Variants in SLC30A8 observed in about 807,000 individuals in gnomAD.
The protein encoded by SLC30A8 is proton-coupled zinc antiporter SLC30A8.
In SLC30A8, 27 loss-of-function variants were observed where a neutral mutation model predicts 36.9. The ratio of observed to expected loss-of-function variants is 0.73; its 90% confidence interval spans 0.54 to 1.01. SLC30A8 has a LOEUF of 1.01. Ranked by LOEUF, SLC30A8 falls within the 50% of genes least tolerant of loss-of-function variation. SLC30A8 has a pLI of 0.00. For synonymous variants in SLC30A8, 164 were observed against 172.4 expected (o/e 0.95, Z 0.38); for missense variants, 439 against 452.0 (o/e 0.97, Z 0.26).
At chr8:116,987,896 ACCAT>A (rs1436934711) in intron 1 of SLC30A8, among the ~76,000 whole-genome samples, 3 of 152,078 alleles carry the variant, frequency 2.0e-5, no homozygotes, top group Non-Finnish European at 2.9e-5. Flanking sequence ...ATGGGGTTTT[ACCAT>A]GTTGGCCAGG....
At chr8:116,960,277 C>T (rs1176086720) in intron 1 of SLC30A8, among the ~76,000 whole-genome samples, 8 of 152,166 alleles carry the variant, frequency 5.3e-5, no homozygotes, top group African/African-American at 7.2e-5. Flanking sequence ...TAGAATGCTA[C>T]GTCATTTGAT....
At chr8:117,082,464 TC>T (rs1487666536) in intron 2 of SLC30A8, among the ~76,000 whole-genome samples, 2 of 152,192 alleles carry the variant, frequency 1.3e-5, no homozygotes, top group African/African-American at 4.8e-5. Context: ...TTGGCTGAGT[TC>T]CAGTGCTTCA....
chr8:117,060,321 A>G (rs904714622), intron 2 of SLC30A8, among the ~76,000 whole-genome samples: 9 of 152,112 alleles, frequency 5.9e-5, no homozygotes, highest in African/African-American at 2.2e-4. Context: ...GAGCATCTAT[A>G]TAGCCAGAGA....
At chr8:117,099,046 G>C (rs1004277492) in intron 2 of SLC30A8, among the ~76,000 whole-genome samples, 5 of 152,116 alleles carry the variant, frequency 3.3e-5, no homozygotes, top group African/African-American at 7.2e-5. Flanking sequence ...CTAGCAGAGA[G>C]GGAATCAATT....
chr8:117,153,396 T>C (rs935658169), intron 3 of SLC30A8, among the ~76,000 whole-genome samples: 16 of 152,302 alleles, frequency 1.1e-4, no homozygotes, highest in East Asian at 5.8e-4. Context: ...TAAATTACTC[T>C]GCATCCCTGG....
chr8:117,150,201 G>A (rs1397700891), intron 2 of SLC30A8, among the ~76,000 whole-genome samples: 1 of 152,202 alleles, frequency 6.6e-6, no homozygotes, highest in Admixed American at 6.5e-5. Context: ...TAGTATAATA[G>A]TATTCACAAA....
At chr8:117,099,182 AC>A (rs1266747608) in intron 2 of SLC30A8, among the ~76,000 whole-genome samples, 1 of 152,082 alleles carries the variant, frequency 6.6e-6, no homozygotes, top group Non-Finnish European at 1.5e-5. Flanking sequence ...TCTCTCACAC[AC>A]TTTTTTGTGA....
At chr8:117,164,466 C>G (rs981033623) in intron 6 of SLC30A8, among the ~76,000 whole-genome samples, 5 of 152,094 alleles carry the variant, frequency 3.3e-5, no homozygotes, top group African/African-American at 1.2e-4. Context: ...CCCAGCTAGT[C>G]AGGAGACTGA....
At chr8:117,004,727 G>A (rs1174984082) in intron 1 of SLC30A8, among the ~76,000 whole-genome samples, 1 of 151,868 alleles carries the variant, frequency 6.6e-6, no homozygotes, top group African/African-American at 2.4e-5. Context: ...ATACAGTGAG[G>A]GTATGAATGT....
At chr8:117,054,351 T>C (rs1355360167) in intron 2 of SLC30A8, among the ~76,000 whole-genome samples, 2 of 152,140 alleles carry the variant, frequency 1.3e-5, no homozygotes, top group African/African-American at 4.8e-5. Context: ...TCCCCTTGTC[T>C]CAGCTTCTCA....
chr8:117,157,933 T>A (rs1822585094), intron 4 of SLC30A8, 89 bp downstream of exon 4: 1 of 1,425,052 alleles, frequency 7.0e-7, no homozygotes, highest in African/African-American at 1.4e-5. Flanking sequence ...ACTCAGTACA[T>A]GTGAAGATGG....
At chr8:116,957,117 T>A (rs1814237657) in intron 1 of SLC30A8, among the ~76,000 whole-genome samples, 1 of 152,222 alleles carries the variant, frequency 6.6e-6, no homozygotes, top group Non-Finnish European at 1.5e-5. Context: ...TGGCATTTTT[T>A]ATATTTCTTT....
chr8:117,043,281 A>T (rs1240781117), intron 2 of SLC30A8, among the ~76,000 whole-genome samples: 2 of 152,234 alleles, frequency 1.3e-5, no homozygotes, highest in Non-Finnish European at 2.9e-5. Context: ...AGGACATTGG[A>T]TCCAGACCCT....
intron 2 of SLC30A8, among the ~76,000 whole-genome samples, chr8:117,092,078 C>G (rs573669085): frequency 2.0e-5 from 3 of 152,216 alleles, no homozygotes; most frequent in Admixed American, 1.3e-4. Context: ...CTTTACTCAT[C>G]ATTAATCGTC....
intron 1 of SLC30A8, among the ~76,000 whole-genome samples, chr8:116,954,802 G>GC (rs1814131432): frequency 6.6e-6 from 1 of 152,178 alleles, no homozygotes. Flanking sequence ...ATTTGAGTGT[G>GC]CTTAAATGTT....
At chr8:117,105,495 G>C (rs1273797436) in intron 2 of SLC30A8, among the ~76,000 whole-genome samples, 1 of 152,086 alleles carries the variant, frequency 6.6e-6, no homozygotes, top group Admixed American at 6.6e-5. Flanking sequence ...CTTTATATGA[G>C]TGTGTATATT....
At chr8:117,077,068 A>G (rs912342845) in intron 2 of SLC30A8, among the ~76,000 whole-genome samples, 1 of 152,204 alleles carries the variant, frequency 6.6e-6, no homozygotes, top group African/African-American at 2.4e-5. Context: ...CAAAGTTATT[A>G]GCAAATGTAG....
chr8:117,136,445 T>C (rs1441517011), intron 1 of SLC30A8, among the ~76,000 whole-genome samples: 2 of 151,948 alleles, frequency 1.3e-5, no homozygotes, highest in Non-Finnish European at 1.5e-5. Context: ...TAATAATACG[T>C]GTAATGTTCT....
chr8:117,150,498 A>G (rs1822128603), intron 2 of SLC30A8, among the ~76,000 whole-genome samples: 1 of 152,216 alleles, frequency 6.6e-6, no homozygotes, highest in Non-Finnish European at 1.5e-5. Context: ...ATCTTGTTAT[A>G]AGTGTACTGC....
Sources: allele counts gnomAD v4.1 joint callset (sites outside exome capture counted in the v4.1 genomes callset), GRCh38; gene constraint gnomAD v4.1.1; transcripts MANE v1.5; gene names NCBI Gene and HGNC (gene_info 2026-07-23, HGNC 2026-07-21).